Variants in SLC4A4 observed in about 807,000 individuals in gnomAD.
The protein encoded by SLC4A4 is solute carrier family 4 member 4, also known as electrogenic sodium bicarbonate cotransporter 1.
SLC4A4 carries 27 observed loss-of-function variants against 111.5 expected under a neutral mutation model. The ratio of observed to expected loss-of-function variants is 0.24; its 90% CI spans 0.18 to 0.33. SLC4A4 has a LOEUF of 0.33. Ranked by LOEUF, SLC4A4 falls within the 10% of genes least tolerant of loss-of-function variation. The pLI, the probability that SLC4A4 is intolerant of heterozygous loss-of-function variation, is 1.00. For missense variants in SLC4A4, 909 were observed against 1,315.5 expected (o/e 0.69, Z 4.78); for synonymous variants, 443 against 463.4 (o/e 0.96, Z 0.57).
At chr4:71,293,473 G>A (rs1349343427) in intron 3 of SLC4A4, among the ~76,000 whole-genome samples, 1 of 150,878 alleles carries the variant, frequency 6.6e-6, no homozygotes, top group Non-Finnish European at 1.5e-5. Context: ...TGAGGCACAA[G>A]AATTGCTTAA....
At chr4:71,065,568 A>C (rs1042427046) in intron 1 of SLC4A4, among the ~76,000 whole-genome samples, 9 of 152,186 alleles carry the variant, frequency 5.9e-5, no homozygotes, top group Non-Finnish European at 1.0e-4. Flanking sequence ...GGACAGAAAG[A>C]TCTATTTGAC....
intron 8 of SLC4A4, among the ~76,000 whole-genome samples, chr4:71,447,087 C>T (rs185727964): frequency 2.4e-4 from 37 of 152,348 alleles, no homozygotes; most frequent in African/African-American, 8.9e-4. Context: ...TTGAATTTCT[C>T]TCATATTTCT....
intron 1 of SLC4A4, among the ~76,000 whole-genome samples, chr4:71,227,711 C>T (rs914299433): frequency 2.0e-5 from 3 of 152,112 alleles, no homozygotes; most frequent in South Asian, 2.1e-4. Context: ...ACATGCCCGT[C>T]GCCATCCTCT....
intron 8 of SLC4A4, among the ~76,000 whole-genome samples, chr4:71,442,745 G>A (rs1342852607): frequency 6.6e-6 from 1 of 152,054 alleles, no homozygotes; most frequent in Non-Finnish European, 1.5e-5. Flanking sequence ...AAGTTATGCT[G>A]CCATTATTAT....
intron 7 of SLC4A4, chr4:71,437,616 G>T (rs575278758): frequency 7.7e-6 from 4 of 519,402 alleles, no homozygotes; most frequent in Admixed American, 5.9e-5. Flanking sequence ...ATTTGCCTTC[G>T]TCAACATCCA....
chr4:71,192,401 C>T (rs1292217104), intron 1 of SLC4A4, among the ~76,000 whole-genome samples: 2 of 152,092 alleles, frequency 1.3e-5, no homozygotes, highest in African/African-American at 4.8e-5. Flanking sequence ...CTTTTAATAC[C>T]CATACTGTTC....
intron 2 of SLC4A4, among the ~76,000 whole-genome samples, chr4:71,242,833 A>C (rs1720360017): frequency 6.6e-6 from 1 of 151,984 alleles, no homozygotes. Context: ...TTACTTGCTT[A>C]ATTCATTTCT....
chr4:71,199,512 T>A (rs1295903246), intron 1 of SLC4A4, among the ~76,000 whole-genome samples: 2 of 152,230 alleles, frequency 1.3e-5, no homozygotes, highest in African/African-American at 2.4e-5. Flanking sequence ...ATAGCTTTTT[T>A]AAATGTAATA....
intron 3 of SLC4A4, among the ~76,000 whole-genome samples, chr4:71,326,334 A>G (rs185657418): frequency 6.6e-6 from 1 of 152,102 alleles, no homozygotes; most frequent in Non-Finnish European, 1.5e-5. Context: ...CATTAGACTT[A>G]GAAATAGTTG....
At chr4:71,546,970 T>G (rs1464122997) in intron 19 of SLC4A4, among the ~76,000 whole-genome samples, 1 of 151,944 alleles carries the variant, frequency 6.6e-6, no homozygotes. Flanking sequence ...GACGTTCAAT[T>G]TGGGTAGCTG....
chr4:71,569,712 T>A lies in SLC4A4; in HGVS notation c.*1961T>A, dbSNP rs1376321565. 2 of 151,682 alleles carry A rather than the reference T, an allele frequency of 1.3e-5. No individual in the cohort carries two copies. Among genetic ancestry groups the A allele is most frequent in the Non-Finnish European group, 3.0e-5 (2 of 67,762 alleles). 9.4% of individuals were successfully genotyped at this position (151,682 alleles called of 1,614,324 possible). On this transcript the variant is annotated 3_prime_UTR_variant, in exon 26 of 26. Coordinates refer to ENST00000264485, the MANE Select transcript of SLC4A4 (RefSeq NM_001098484.3). ...GGTTTGATAATATGCACTTATTGAC[T>A]CCCACTCATTGTTATGTTAATTAAG... is the stretch of plus-strand genomic sequence containing the variant.
chr4:71,269,126 AT>A (rs749210470), intron 3 of SLC4A4, among the ~76,000 whole-genome samples: 2 of 152,224 alleles, frequency 1.3e-5, no homozygotes, highest in Non-Finnish European at 2.9e-5. Flanking sequence ...TGAAGCTGAC[AT>A]AGTGGAGTTG....
intron 14 of SLC4A4, among the ~76,000 whole-genome samples, chr4:71,483,181 C>G (rs188373175): frequency 1.1e-4 from 17 of 151,518 alleles, no homozygotes; most frequent in Admixed American, 4.6e-4. Flanking sequence ...GTTTTTGTAA[C>G]TTTCATTTAA....
At chr4:71,358,387 T>G (rs1054630628) in intron 6 of SLC4A4, among the ~76,000 whole-genome samples, 1 of 152,002 alleles carries the variant, frequency 6.6e-6, no homozygotes, top group African/African-American at 2.4e-5. Flanking sequence ...AGCTGCACTT[T>G]CAGAATAACA....
chr4:71,501,308 C>G (rs1169213078), intron 16 of SLC4A4, among the ~76,000 whole-genome samples: 1 of 151,826 alleles, frequency 6.6e-6, no homozygotes, highest in African/African-American at 2.4e-5. Flanking sequence ...TATTCTGCAA[C>G]TTTACTTAAT....
At chr4:71,366,315 T>TTGTGTGTGTGTGTGTGTGTG (rs71673473) in intron 6 of SLC4A4, among the ~76,000 whole-genome samples, 10 of 137,914 alleles carry the variant, frequency 7.3e-5, no homozygotes, top group East Asian at 6.4e-4. Context: ...TCTGGAGATA[T>TTGTGTGTGTGTGTGTGTGTG]TGTGTGTGTG....
chr4:71,527,289 G>A (rs1733502259), intron 16 of SLC4A4, among the ~76,000 whole-genome samples: 1 of 152,038 alleles, frequency 6.6e-6, no homozygotes, highest in Non-Finnish European at 1.5e-5. Context: ...CTTAAACAGG[G>A]TGGTACTAGC....
chr4:71,376,156 T>TACACACAC (rs146405766), intron 6 of SLC4A4, among the ~76,000 whole-genome samples: 9,877 of 135,370 alleles, frequency 0.073, 403 homozygotes, highest in Middle Eastern at 0.12. Context: ...CCTGTATATA[T>TACACACAC]ACACACACAC....
intron 3 of SLC4A4, among the ~76,000 whole-genome samples, chr4:71,255,862 G>A (rs1253240529): frequency 6.6e-6 from 1 of 152,100 alleles, no homozygotes; most frequent in Admixed American, 6.6e-5. Context: ...TATGAGTCAG[G>A]TCAGTGATTT....
Sources: gnomAD v4.1 joint callset for allele counts (sites outside exome capture counted in the v4.1 genomes callset) on GRCh38, gnomAD v4.1.1 for gene constraint, MANE v1.5 for transcripts, NCBI Gene and HGNC (gene_info 2026-07-23, HGNC 2026-07-21) for gene names.